Variants in COBLL1 observed in about 807,000 individuals in gnomAD.
COBLL1 encodes the protein cordon-bleu protein-like 1.
A neutral mutation model predicts 94.8 loss-of-function variants in COBLL1; 50 were observed. The observed-to-expected ratio is 0.53, with a 90% CI of 0.42 to 0.67. The LOEUF (loss-of-function observed/expected upper bound fraction) is 0.67. Ranked by LOEUF, COBLL1 falls within the 30% of genes least tolerant of loss-of-function variation. The pLI is 0.00. For missense variants in COBLL1, 1,362 were observed against 1,348.7 expected (o/e 1.01, Z -0.15); for synonymous variants, 448 against 473.8 (o/e 0.95, Z 0.71).
chr2:164,770,222 T>C (rs1688139903), intron 2 of COBLL1, among the ~76,000 whole-genome samples: 1 of 152,138 alleles, frequency 6.6e-6, no homozygotes, highest in South Asian at 2.1e-4. Flanking sequence ...ATTCTGTTAC[T>C]GTATGCCGTA....
chr2:164,731,931 G>A (rs540335543), intron 3 of COBLL1, among the ~76,000 whole-genome samples: 1 of 152,232 alleles, frequency 6.6e-6, no homozygotes, highest in Non-Finnish European at 1.5e-5. Flanking sequence ...GCAGAGGTGG[G>A]GAAGGATTCA....
At chr2:164,795,410 A>C (rs1464905761) in intron 2 of COBLL1, among the ~76,000 whole-genome samples, 1 of 152,172 alleles carries the variant, frequency 6.6e-6, no homozygotes, top group Non-Finnish European at 1.5e-5. Flanking sequence ...TCAATTAAAA[A>C]CATGTTTCAT....
intron 7 of COBLL1, 66 bp from the exon 8 acceptor site, chr2:164,705,171 C>G (rs1684520041): frequency 7.7e-7 from 1 of 1,300,514 alleles, no homozygotes; most frequent in East Asian, 2.6e-5. Context: ...TAGGAAGACA[C>G]TGAACTTTAC....
chr2:164,699,806 T>C (rs1684157386), intron 10 of COBLL1, among the ~76,000 whole-genome samples: 1 of 152,080 alleles, frequency 6.6e-6, no homozygotes, highest in Non-Finnish European at 1.5e-5. Flanking sequence ...TATTTGCCTT[T>C]TAAAGAAAAA....
chr2:164,796,614 A>G (rs1683470012), intron 2 of COBLL1, among the ~76,000 whole-genome samples: 1 of 151,198 alleles, frequency 6.6e-6, no homozygotes, highest in African/African-American at 2.4e-5. Flanking sequence ...TAAATTTACT[A>G]TAATTAATAA....
In COBLL1 at chr2:164,743,775, C is replaced by T. The variant is rs1241685792; in HGVS notation, c.142G>A (p.Glu48Lys). 2 of 1,612,942 alleles carry T rather than the reference C, an allele frequency of 1.2e-6. No individual in the cohort carries two copies. Among genetic ancestry groups the T allele is most frequent in the East Asian group, 2.2e-5 (1 of 44,828 alleles). Residue 48 changes from glutamate (E) to lysine (K), a missense_variant, in exon 3 of 14, where the codon GAA becomes AAA. Transcript: ENST00000652658. ...TTATCTATCATGTTTTCTTTCTGTT[C>T]CATGATGAAAGCAGTGGATTCTACA... ...DSVESTAFIMEQKENMIDKDV... is the reference protein window; with the variant it reads ...DSVESTAFIMKQKENMIDKDV...
rs1486001447 is a variant in COBLL1, at chr2:164,841,219, G to T, written c.-23C>A. 6 of 1,230,974 alleles carry T rather than the reference G, an allele frequency of 4.9e-6. No homozygotes were observed. The highest frequency in any genetic ancestry group is 3.2e-5 in the East Asian group (1 of 31,496). 76.3% of individuals were successfully genotyped at this position (1,230,974 alleles called of 1,614,324 possible). ...CATCGCCCTGCGGGGCGCTGCGCGGGCTCCAGCTCCCAGGCGGCGCGTCAC... is the reference window on the plus strand; with the variant it reads ...CATCGCCCTGCGGGGCGCTGCGCGGTCTCCAGCTCCCAGGCGGCGCGTCAC... On this transcript the variant is annotated 5_prime_UTR_variant, in exon 2 of 14. Transcript: ENST00000652658. This position sits in a 1 kb window ranked among gnomAD's most constrained non-coding sequence, Gnocchi z 5.5.
At chr2:164,815,757 CA>C (rs957030617) in intron 2 of COBLL1, among the ~76,000 whole-genome samples, 13 of 152,180 alleles carry the variant, frequency 8.5e-5, no homozygotes, top group Non-Finnish European at 1.2e-4. Flanking sequence ...TGTTCCTCCC[CA>C]AACCATATTA....
Position 164,695,747 on chromosome 2 carries a change from C to A in COBLL1, c.1645G>T (p.Val549Phe), listed in dbSNP as rs1212932979. ...ATATCAATGTTGTTATTTTTGGCAA[C>A]ACCTTCTACATTGATTTCTGTTTTC... ...VKKTEINVEG[V>F]AKNNNIDMEV... Residue 549 changes from valine (V) to phenylalanine (F), a missense_variant, in exon 12 of 14, where the codon GTT becomes TTT. Val to Phe is a conservative substitution (Grantham distance 50). Coordinates refer to ENST00000652658, the MANE Select transcript of COBLL1 (RefSeq NM_001365672.2). 1.4e-5 allele frequency: 22 copies of A among 1,613,512 alleles called. No homozygotes were observed. The highest frequency in any genetic ancestry group is 1.6e-5 in the Non-Finnish European group (19 of 1,179,772).
chr2:164,841,359 G>A lies in COBLL1; in HGVS notation c.-50-113C>T. On this transcript the variant is annotated intron_variant, in intron 1 of 13. Transcript: ENST00000652658. The surrounding 1 kb of genome is among the most constrained non-coding windows in gnomAD (Gnocchi z 5.5). ...GAGCCGCTCCAGCCCCGGCCGGCCCGCCTCCCGGGTGCGCTTCCACCTGCG... is the reference window on the plus strand; with the variant it reads ...GAGCCGCTCCAGCCCCGGCCGGCCCACCTCCCGGGTGCGCTTCCACCTGCG... 2.5e-6 allele frequency: 3 copies of A among 1,190,282 alleles called. No homozygotes were observed. The highest frequency in any genetic ancestry group is 3.1e-6 in the Non-Finnish European group (3 of 961,656). The allele number at this position is 1,190,282 out of a possible 1,614,324, so 73.7% of individuals were successfully genotyped here.
chr2:164,686,672 A>T (rs1007225899), intron 13 of COBLL1, among the ~76,000 whole-genome samples: 1 of 152,146 alleles, frequency 6.6e-6, no homozygotes, highest in African/African-American at 2.4e-5. Flanking sequence ...CACAAACTAT[A>T]AGTGAATAAA....
At chr2:164,712,177 C>A (rs2105474312) in intron 7 of COBLL1, among the ~76,000 whole-genome samples, 1 of 152,208 alleles carries the variant, frequency 6.6e-6, no homozygotes, top group South Asian at 2.1e-4. Flanking sequence ...GTTATTAGAT[C>A]ACTTATTAAT....
chr2:164,714,793 T>C (rs766539833), intron 7 of COBLL1, among the ~76,000 whole-genome samples: 1 of 152,202 alleles, frequency 6.6e-6, no homozygotes, highest in Non-Finnish European at 1.5e-5. Flanking sequence ...GTAAACTTCA[T>C]ACTGGTAAAG....
At chr2:164,704,599 G>T in intron 8 of COBLL1, 81 bp from the exon 9 acceptor site, 2 of 1,200,212 alleles carry the variant, frequency 1.7e-6, no homozygotes, top group Non-Finnish European at 1.2e-6. Flanking sequence ...TAGTTATATA[G>T]TTCAGAAAGC....
intron 13 of COBLL1, chr2:164,687,255 T>G: frequency 2.0e-6 from 1 of 511,090 alleles, no homozygotes; most frequent in South Asian, 2.9e-5. Context: ...TATTGGTTAG[T>G]ATTAAGAGGG....
intron 9 of COBLL1, among the ~76,000 whole-genome samples, chr2:164,701,575 CT>C (rs557435548): frequency 6.7e-4 from 102 of 152,192 alleles, no homozygotes; most frequent in African/African-American, 2.4e-3. Flanking sequence ...AGCCACCTAG[CT>C]TTTTTTCCAC....
At chr2:164,717,411 T>C (rs1414082701) in intron 7 of COBLL1, among the ~76,000 whole-genome samples, 1 of 152,214 alleles carries the variant, frequency 6.6e-6, no homozygotes, top group African/African-American at 2.4e-5. Context: ...CAAACGTTTA[T>C]AGTGATAATG....
chr2:164,722,736 T>C (rs557970435), intron 5 of COBLL1: 228 of 279,816 alleles, frequency 8.1e-4, no homozygotes, highest in Non-Finnish European at 1.3e-3. Flanking sequence ...CTTAAAAAAC[T>C]AAGATACATA....
chr2:164,815,444 T>C (rs989849081), intron 2 of COBLL1, among the ~76,000 whole-genome samples: 1 of 149,268 alleles, frequency 6.7e-6, no homozygotes, highest in Non-Finnish European at 1.5e-5. Flanking sequence ...ACTTTCCAAA[T>C]GCTTAAGGCA....
Sources: allele counts gnomAD v4.1 joint callset (sites outside exome capture counted in the v4.1 genomes callset), GRCh38; gene constraint gnomAD v4.1.1; non-coding constraint Gnocchi (gnomAD v3.1); transcripts MANE v1.5; gene names NCBI Gene and HGNC (gene_info 2026-07-23, HGNC 2026-07-21).